Variants in CACNB4 observed in about 807,000 individuals in gnomAD.
The protein encoded by CACNB4 is calcium voltage-gated channel auxiliary subunit beta 4.
A neutral mutation model predicts 71.2 loss-of-function variants in CACNB4; 32 were observed. The ratio of observed to expected loss-of-function variants is 0.45; its 90% confidence interval spans 0.34 to 0.60. The LOEUF (loss-of-function observed/expected upper bound fraction) is 0.60, where lower values mean the gene tolerates loss of function less well. Among genes scored for constraint, CACNB4 ranks in the 20% least tolerant of loss-of-function variants. The pLI, the probability that CACNB4 is intolerant of heterozygous loss-of-function variation, is 0.01. For missense variants in CACNB4, 464 were observed against 647.9 expected (o/e 0.72, Z 3.08); for synonymous variants, 231 against 236.9 (o/e 0.97, Z 0.23).
chr2:152,033,804 G>C (rs552909735), intron 2 of CACNB4, among the ~76,000 whole-genome samples: 1 of 152,152 alleles, frequency 6.6e-6, no homozygotes, highest in Non-Finnish European at 1.5e-5. Context: ...AAAAATGTAA[G>C]CTTTTGCCCT....
At chr2:151,950,613 T>C (rs1400104918) in intron 2 of CACNB4, among the ~76,000 whole-genome samples, 2 of 152,188 alleles carry the variant, frequency 1.3e-5, no homozygotes, top group Non-Finnish European at 2.9e-5. Flanking sequence ...TAACCATAAA[T>C]GGAATATTAT....
intron 2 of CACNB4, among the ~76,000 whole-genome samples, chr2:151,948,133 GA>G (rs2099866048): frequency 6.6e-6 from 1 of 152,124 alleles, no homozygotes; most frequent in African/African-American, 2.4e-5. Flanking sequence ...GAGAAACTAG[GA>G]ACAAACCGGG....
chr2:152,065,727 C>T (rs1482817985), intron 2 of CACNB4, among the ~76,000 whole-genome samples: 2 of 152,154 alleles, frequency 1.3e-5, no homozygotes, highest in Non-Finnish European at 2.9e-5. Flanking sequence ...TATGTCCTCA[C>T]ATTAAGCCTA....
At chr2:152,032,002 C>T (rs1446868427) in intron 2 of CACNB4, among the ~76,000 whole-genome samples, 3 of 152,140 alleles carry the variant, frequency 2.0e-5, no homozygotes, top group Non-Finnish European at 4.4e-5. Context: ...TCCCTCATTT[C>T]ATATTCAGGC....
chr2:151,880,930 C>T lies in CACNB4; in HGVS notation c.268-8G>A. 6.2e-7 allele frequency: 1 copy of T among 1,600,308 alleles called. No homozygotes were observed. Among genetic ancestry groups the T allele is most frequent in the Admixed American group, 1.7e-5 (1 of 57,998 alleles). ...AAATGCTACAGGTTTGGACTAGGGA[C>T]AGAACCATGGAATAAGGAATGAGGA... On this transcript the variant is annotated splice_region_variant and splice_polypyrimidine_tract_variant and intron_variant, in intron 3 of 13. Coordinates refer to ENST00000539935, the MANE Select transcript of CACNB4 (RefSeq NM_000726.5).
intron 2 of CACNB4, among the ~76,000 whole-genome samples, chr2:151,995,883 T>C (rs1322607062): frequency 6.6e-6 from 1 of 152,214 alleles, no homozygotes; most frequent in Non-Finnish European, 1.5e-5. Context: ...CAATATTTAC[T>C]CCAGCTCTCC....
intron 2 of CACNB4, among the ~76,000 whole-genome samples, chr2:151,937,616 C>T (rs1415016079): frequency 6.6e-6 from 1 of 152,216 alleles, no homozygotes; most frequent in Non-Finnish European, 1.5e-5. Flanking sequence ...ATCACATCTA[C>T]ATCTACAATC....
At chr2:151,918,062 A>G (rs1354230389) in intron 2 of CACNB4, among the ~76,000 whole-genome samples, 1 of 152,170 alleles carries the variant, frequency 6.6e-6, no homozygotes, top group African/African-American at 2.4e-5. Context: ...GGGGGGGAAA[A>G]GGGTGCTACT....
intron 2 of CACNB4, among the ~76,000 whole-genome samples, chr2:151,920,923 G>A (rs1006784053): frequency 2.0e-5 from 3 of 152,020 alleles, no homozygotes; most frequent in Admixed American, 2.0e-4. Context: ...CGGATCACGA[G>A]GTCAGGAGAT....
intron 9 of CACNB4, among the ~76,000 whole-genome samples, chr2:151,864,347 T>C (rs1472060884): frequency 6.6e-6 from 1 of 152,216 alleles, no homozygotes; most frequent in Admixed American, 6.5e-5. Flanking sequence ...ATTTCCACTT[T>C]AGAATTCATC....
chr2:152,061,959 C>T (rs975481150), intron 2 of CACNB4, among the ~76,000 whole-genome samples: 9 of 151,142 alleles, frequency 6.0e-5, no homozygotes, highest in South Asian at 4.2e-4. Flanking sequence ...TTGCAGTGAG[C>T]GGAGATCGCG....
intron 2 of CACNB4, among the ~76,000 whole-genome samples, chr2:151,905,831 A>C (rs916049943): frequency 6.6e-6 from 1 of 152,238 alleles, no homozygotes; most frequent in African/African-American, 2.4e-5. Context: ...TTACTGTCTA[A>C]AACAATTTCA....
At chr2:151,976,959 G>A (rs1330731992) in intron 2 of CACNB4, among the ~76,000 whole-genome samples, 1 of 152,156 alleles carries the variant, frequency 6.6e-6, no homozygotes, top group Non-Finnish European at 1.5e-5. Flanking sequence ...CAAGACACTG[G>A]CACCTTCTTG....
At chr2:152,003,843 AC>A (rs1159130577) in intron 2 of CACNB4, among the ~76,000 whole-genome samples, 1 of 151,522 alleles carries the variant, frequency 6.6e-6, no homozygotes, top group Non-Finnish European at 1.5e-5. Context: ...AAAAAAAAAA[AC>A]CTTACTTTAA....
intron 2 of CACNB4, among the ~76,000 whole-genome samples, chr2:152,072,884 C>T (rs1412274040): frequency 6.6e-6 from 1 of 151,598 alleles, no homozygotes; most frequent in African/African-American, 2.4e-5. Flanking sequence ...CTCCTGACCT[C>T]AGGATCCGCC....
At chr2:151,989,381 T>C (rs539667629) in intron 2 of CACNB4, among the ~76,000 whole-genome samples, 2 of 152,362 alleles carry the variant, frequency 1.3e-5, no homozygotes, top group East Asian at 3.9e-4. Context: ...TCTCTATCTC[T>C]GACTCAAACT....
At chr2:151,914,768 C>T (rs1275618859) in intron 2 of CACNB4, among the ~76,000 whole-genome samples, 1 of 152,152 alleles carries the variant, frequency 6.6e-6, no homozygotes, top group Non-Finnish European at 1.5e-5. Flanking sequence ...CGGGGGTTCA[C>T]TTCAGGCCCT....
chr2:152,004,000 T>C (rs1188190247), intron 2 of CACNB4, among the ~76,000 whole-genome samples: 1 of 152,042 alleles, frequency 6.6e-6, no homozygotes, highest in African/African-American at 2.4e-5. Context: ...CATGCCACCA[T>C]GTCTGGTGAC....
intron 2 of CACNB4, among the ~76,000 whole-genome samples, chr2:152,097,839 T>G (rs1193256880): frequency 2.0e-5 from 3 of 152,176 alleles, no homozygotes; most frequent in Non-Finnish European, 4.4e-5. Context: ...CTGCTCAGTG[T>G]CTTTCTTTTG....
Sources: allele counts gnomAD v4.1 joint callset (sites outside exome capture counted in the v4.1 genomes callset), GRCh38; gene constraint gnomAD v4.1.1; transcripts MANE v1.5; gene names NCBI Gene and HGNC (gene_info 2026-07-23, HGNC 2026-07-21).